Variants in MEFV observed in about 807,000 individuals in gnomAD.
MEFV encodes MEFV innate immunity regulator, pyrin, also known as pyrin.
In MEFV, 60 loss-of-function variants were observed where a neutral mutation model predicts 62.5. The ratio of observed to expected loss-of-function variants is 0.96; its 90% CI spans 0.78 to 1.19. The LOEUF is 1.19. Ranked by LOEUF, MEFV falls within the 50% of genes most tolerant of loss-of-function variation. MEFV has a pLI of 0.00. For missense variants in MEFV, 1,169 were observed against 1,004.5 expected, an observed-to-expected ratio of 1.16 and a Z score of -2.21; for synonymous variants, 500 against 415.2, an observed-to-expected ratio of 1.20 and a Z score of -2.48.
intron 1 of MEFV, among the ~76,000 whole-genome samples, chr16:3,255,272 G>A (rs1256103907): frequency 3.9e-5 from 6 of 152,152 alleles, no homozygotes; most frequent in Admixed American, 1.3e-4. Context: ...AGCTGAGATC[G>A]GGCCACTGCA....
At position 3,243,421 on chromosome 16, in the gene MEFV, C is replaced by A. The variant is rs1487302096; in HGVS notation, c.2066G>T (p.Trp689Leu). 1.2e-6 allele frequency: 2 copies of A among 1,614,050 alleles called. No individual in the cohort carries two copies. The highest frequency in any genetic ancestry group is 2.7e-5 in the African/African-American group (2 of 74,906). ...ATTTTCCTTCATCATTATCACCACC[C>A]AGTAGCCATTCTCTGGCGACAGAGT... ...NMTLSPENGYWVVIMMKENEY... is the reference protein window; with the variant it reads ...NMTLSPENGYLVVIMMKENEY... Residue 689 changes from tryptophan to leucine, a missense_variant, in exon 10 of 10, where the codon TGG becomes TTG. Physicochemically the swap from Trp to Leu is moderately conservative, Grantham distance 61. Coordinates refer to ENST00000219596, the MANE Select transcript of MEFV (RefSeq NM_000243.3).
chr16:3,244,691 C>A, intron 6 of MEFV, 103 bp from the exon 7 acceptor site: 1 of 844,176 alleles, frequency 1.2e-6, no homozygotes. Context: ...CACACCTAGC[C>A]CAGCCTGAGC....
rs1959079406 is a variant in MEFV, at chr16:3,254,257, G to A, written c.811C>T (p.Leu271=). Residue 271 remains leucine, a synonymous_variant, in exon 2 of 10, where the codon CTG becomes TTG. Coordinates refer to ENST00000219596, the MANE Select transcript of MEFV (RefSeq NM_000243.3). ...LTLEEKTAAN[L]DSATEPRARP... ...GCCCGGGGTTCTGTTGCCGAGTCCAGATTCGCAGCTGTCTTTTCCTCTAGA... is the reference window on the plus strand; with the variant it reads ...GCCCGGGGTTCTGTTGCCGAGTCCAAATTCGCAGCTGTCTTTTCCTCTAGA... 1 of 1,614,270 alleles carries A rather than the reference G, an allele frequency of 6.2e-7. No individual in the cohort carries two copies. The highest frequency in any genetic ancestry group is 8.5e-7 in the Non-Finnish European group (1 of 1,180,044).
In MEFV at chr16:3,248,838, C is replaced by T. The variant is rs187916346; in HGVS notation, c.1356+71G>A. ...TGCCCTGTGAACCACAGCAGAATCT[C>T]GGGGACCCCTGCTCACTCTTCCCAC... On this transcript the variant is annotated intron_variant, in intron 4 of 9. Transcript: ENST00000219596. 58 of 1,609,994 alleles carry T rather than the reference C, an allele frequency of 3.6e-5. No individual in the cohort carries two copies. In the Middle Eastern group the frequency reaches 1.5e-3, roughly 41 times the overall value.
chr16:3,254,471 G>C lies in MEFV; in HGVS notation c.597C>G (p.Ala199=), dbSNP rs754324261. 8.4e-5 allele frequency: 134 copies of C among 1,598,446 alleles called. No homozygotes were observed. The highest frequency in any genetic ancestry group is 2.6e-6 in the Non-Finnish European group (3 of 1,173,454). ...GPCRALEGGQ[A]EVRLRRNASS... Reference sequence around the variant, plus strand: ...TGGCGTTTCTGCGCAGCCGGACCTCGGCCTGGCCCCCCTCTAGCGCCCTGC... The same window carrying C: ...TGGCGTTTCTGCGCAGCCGGACCTCCGCCTGGCCCCCCTCTAGCGCCCTGC... Residue 199 remains alanine, a synonymous_variant, in exon 2 of 10, where the codon GCC becomes GCG. Coordinates refer to ENST00000219596, the MANE Select transcript of MEFV (RefSeq NM_000243.3).
chr16:3,252,585 T>C (rs1028461100), intron 2 of MEFV, among the ~76,000 whole-genome samples: 4 of 151,612 alleles, frequency 2.6e-5, no homozygotes, highest in Non-Finnish European at 5.9e-5. Flanking sequence ...GGACCCCCAA[T>C]TCTATTTCTC....
intron 5 of MEFV, 77 bp from the exon 6 acceptor site, chr16:3,246,624 C>A (rs1958947320): frequency 1.3e-6 from 2 of 1,547,900 alleles, no homozygotes; most frequent in South Asian, 2.2e-5. Flanking sequence ...TACTTCTGGG[C>A]TCCTGGACTT....
chr16:3,244,577 A>G lies in MEFV; in HGVS notation c.1622T>C (p.Val541Ala), dbSNP rs922232615. 1 of 1,613,716 alleles carries G rather than the reference A, an allele frequency of 6.2e-7. No homozygotes were observed. Residue 541 changes from valine (V) to alanine (A), a missense_variant, in exon 7 of 10, where the codon GTG becomes GCG. Physicochemically the swap from Val to Ala is moderately conservative, Grantham distance 64 (BLOSUM62 0). Transcript: ENST00000219596. ...IGDILHRAKT[V>A]PVPEKWTTPQ... Reference sequence around the variant, plus strand: ...AGTGGTCCACTTTTCAGGGACAGGCACTGTCTTAGCCCTAGAGACAAAAGA... The same window carrying G: ...AGTGGTCCACTTTTCAGGGACAGGCGCTGTCTTAGCCCTAGAGACAAAAGA...
intron 4 of MEFV, 98 bp downstream of exon 4, chr16:3,248,811 G>T: frequency 6.2e-7 from 1 of 1,602,474 alleles, no homozygotes. Flanking sequence ...GGCCATCCCT[G>T]CTGCCCTGTG....
intron 1 of MEFV, 145 bp from the exon 2 acceptor site, chr16:3,254,935 A>G (rs1316521269): frequency 1.5e-6 from 2 of 1,356,576 alleles, no homozygotes; most frequent in African/African-American, 2.9e-5. Context: ...TCATGCCTGT[A>G]TTCCCGGCAC....
Position 3,242,929 on chromosome 16 carries a change from G to A in MEFV, c.*212C>T. ...TACTTCCTCCTCTGAAATCCATGGT[G>A]TGTCATCAGTACATGTCTTCACCCG... On this transcript the variant is annotated 3_prime_UTR_variant, in exon 10 of 10. Transcript: ENST00000219596. 1 of 602,548 alleles carries A rather than the reference G, an allele frequency of 1.7e-6. No individual in the cohort carries two copies. The highest frequency in any genetic ancestry group is 2.9e-5 in the East Asian group (1 of 34,694). The allele number at this position is 602,548 out of a possible 1,614,324, so 37.3% of individuals were successfully genotyped here.
intron 3 of MEFV, 134 bp from the exon 4 acceptor site, chr16:3,249,138 C>T: frequency 1.1e-6 from 1 of 913,968 alleles, no homozygotes; most frequent in South Asian, 1.4e-5. Flanking sequence ...GGGAGGGGTG[C>T]TCAGGAAAGA....
Position 3,254,659 on chromosome 16 carries a change from C to G in MEFV, c.409G>C (p.Gly137Arg). Residue 137 changes from glycine to arginine, a missense_variant, in exon 2 of 10, where the codon GGC becomes CGC. By Grantham distance (125) the Gly-to-Arg change is moderately radical. Transcript: ENST00000219596. The part of the protein sequence containing the change: ...NEGNGPRPYG[G>R]GAASLRCSQP... ...CTGCACCGCAGGCTGGCAGCTCCGCCCCCGTACGGCCGAGGGCCGTTCCCC... is the reference window on the plus strand; with the variant it reads ...CTGCACCGCAGGCTGGCAGCTCCGCGCCCGTACGGCCGAGGGCCGTTCCCC... 6.2e-7 allele frequency: 1 copy of G among 1,610,484 alleles called. No homozygotes were observed. Among genetic ancestry groups the G allele is most frequent in the Non-Finnish European group, 8.5e-7 (1 of 1,179,186 alleles).
intron 2 of MEFV, among the ~76,000 whole-genome samples, chr16:3,251,707 T>C (rs1225059584): frequency 1.3e-5 from 2 of 152,174 alleles, no homozygotes. Context: ...TGTGAGGTTA[T>C]TGTGAGAGGG....
intron 2 of MEFV, 50 bp from the exon 3 acceptor site, chr16:3,249,830 T>C: frequency 6.8e-7 from 1 of 1,462,238 alleles, no homozygotes; most frequent in Non-Finnish European, 9.5e-7. Flanking sequence ...CCAAGTTGCT[T>C]ACACAGAGGT....
intron 2 of MEFV, 106 bp downstream of exon 2, chr16:3,254,052 C>T: frequency 7.7e-7 from 1 of 1,302,850 alleles, no homozygotes; most frequent in South Asian, 1.2e-5. Flanking sequence ...CAGCAATCCT[C>T]CCGCCCTGGC....
rs767143302 is a variant in MEFV, at chr16:3,247,252, G to C, written c.1357-6C>G. ...TTCAGCGCTTCAGTTTGTTTCTGGG[G>C]AGCAGAGGACAGGGAGGTATGGGGG... On this transcript the variant is annotated splice_polypyrimidine_tract_variant and splice_region_variant and intron_variant, in intron 4 of 9. Coordinates refer to ENST00000219596, the MANE Select transcript of MEFV (RefSeq NM_000243.3). 6.2e-7 allele frequency: 1 copy of C among 1,613,798 alleles called. No individual in the cohort carries two copies. Among genetic ancestry groups the C allele is most frequent in the Non-Finnish European group, 8.5e-7 (1 of 1,179,910 alleles).
chr16:3,245,965 G>A (rs1958936985), intron 6 of MEFV, among the ~76,000 whole-genome samples: 1 of 152,168 alleles, frequency 6.6e-6, no homozygotes, highest in African/African-American at 2.4e-5. Flanking sequence ...ACACACACTG[G>A]ACTATGATTC....
Position 3,244,528 on chromosome 16 carries a change from G to T in MEFV, c.1671C>A (p.Ile557=). Residue 557 remains isoleucine (I), a synonymous_variant, in exon 7 of 10, where the codon ATC becomes ATA. Coordinates refer to ENST00000219596, the MANE Select transcript of MEFV (RefSeq NM_000243.3). ...ACTCTGACTTCTGGTGGAGGAGTTG[G>T]ATCTTTTGTTTTATCTCTTGAGGAG... The part of the protein sequence containing the change: ...WTTPQEIKQK[I]QLLHQKSEFV... 5 of 1,614,190 alleles carry T rather than the reference G, an allele frequency of 3.1e-6. No individual in the cohort carries two copies. The highest frequency in any genetic ancestry group is 4.2e-6 in the Non-Finnish European group (5 of 1,180,046).
Sources: allele counts gnomAD v4.1 joint callset (sites outside exome capture counted in the v4.1 genomes callset), GRCh38; gene constraint gnomAD v4.1.1; transcripts MANE v1.5; gene names NCBI Gene and HGNC (gene_info 2026-07-23, HGNC 2026-07-21).